The following NOP14 variants were observed in gnomAD, a reference collection of about 807,000 sequenced individuals.
NOP14 encodes nucleolar protein 14.
A neutral mutation model predicts 101.6 loss-of-function variants in NOP14; 57 were observed. The observed-to-expected ratio is 0.56, with a 90% confidence interval of 0.45 to 0.70. The LOEUF (loss-of-function observed/expected upper bound fraction) is 0.70, where lower values mean the gene tolerates loss of function less well. Among genes scored for constraint, NOP14 ranks in the 30% least tolerant of loss-of-function variants. NOP14 has a pLI of 0.00. For synonymous variants in NOP14, 428 were observed against 424.0 expected, an observed-to-expected ratio of 1.01 and a Z score of -0.12; for missense variants, 1,134 against 1,075.5, an observed-to-expected ratio of 1.05 and a Z score of -0.76.
chr4:2,959,922 C>G (rs1715613071), intron 1 of NOP14, among the ~76,000 whole-genome samples: 1 of 151,990 alleles, frequency 6.6e-6, no homozygotes, highest in Non-Finnish European at 1.5e-5. Context: ...GCCTGTACTG[C>G]TCGATGAACT....
rs1284752686 is a variant in NOP14, at chr4:2,952,378, A to G, written c.767T>C (p.Met256Thr). ...EKPKPDAYDM[M>T]VRELGFEMKA... Reference sequence around the variant, plus strand: ...CATTTCAAAGCCAAGCTCGCGAACCATCATGTCATATGCATCGGGCTAAGG... The same window carrying G: ...CATTTCAAAGCCAAGCTCGCGAACCGTCATGTCATATGCATCGGGCTAAGG... The change falls in exon 6 of 18, where the codon ATG (methionine) becomes ACG (threonine). Residue 256 changes from methionine to threonine, a missense_variant. Physicochemically the swap from Met to Thr is moderately conservative, Grantham distance 81. Coordinates refer to ENST00000416614, the MANE Select transcript of NOP14 (RefSeq NM_001291978.2). 1.9e-6 allele frequency: 3 copies of G among 1,612,688 alleles called. No individual in the cohort carries two copies. Among genetic ancestry groups the G allele is most frequent in the Admixed American group, 1.7e-5 (1 of 59,994 alleles).
intron 6 of NOP14, 100 bp downstream of exon 6, chr4:2,952,175 T>C (rs1560303838): frequency 1.7e-6 from 2 of 1,176,454 alleles, no homozygotes; most frequent in Non-Finnish European, 2.4e-6. Flanking sequence ...ATTCCACTGA[T>C]CAAACAGAGT....
chr4:2,946,100 C>T (rs1304624603), intron 11 of NOP14, among the ~76,000 whole-genome samples: 1 of 134,860 alleles, frequency 7.4e-6, no homozygotes, highest in Non-Finnish European at 1.6e-5. Context: ...CCCTCACTGC[C>T]GTGCACTCTC....
intron 4 of NOP14, among the ~76,000 whole-genome samples, chr4:2,954,061 T>C (rs554476524): frequency 6.6e-6 from 1 of 152,178 alleles, no homozygotes; most frequent in African/African-American, 2.4e-5. Flanking sequence ...AGTAATTAGC[T>C]GAGCATGGTG....
intron 16 of NOP14, 60 bp from the exon 17 acceptor site, chr4:2,939,403 C>A (rs947249657): frequency 6.2e-7 from 1 of 1,609,998 alleles, no homozygotes. Context: ...TCAGCCAGAG[C>A]CTGCTTGGGA....
intron 10 of NOP14, chr4:2,946,978 C>A: frequency 4.3e-6 from 1 of 231,592 alleles, no homozygotes; most frequent in South Asian, 5.9e-5. Flanking sequence ...GAAGCCAACA[C>A]ACGCCTCTCA....
intron 14 of NOP14, 33 bp downstream of exon 14, chr4:2,942,159 G>A (rs1714250784): frequency 6.2e-7 from 1 of 1,602,194 alleles, no homozygotes; most frequent in Non-Finnish European, 8.5e-7. Flanking sequence ...ACGCTGTAGG[G>A]CACAGGCCCC....
intron 17 of NOP14, 52 bp downstream of exon 17, chr4:2,939,136 C>T: frequency 1.9e-6 from 3 of 1,608,826 alleles, no homozygotes; most frequent in South Asian, 2.2e-5. Context: ...GGCCACACAG[C>T]ACCAAAGCTG....
At chr4:2,947,672 G>A in intron 9 of NOP14, 61 bp from the exon 10 acceptor site, 1 of 1,339,080 alleles carries the variant, frequency 7.5e-7, no homozygotes, top group Non-Finnish European at 1.1e-6. Flanking sequence ...AAAGCCACAG[G>A]CACACAGCTT....
rs775594224 is a variant in NOP14 at position 2,938,849 on chromosome 4, C to T, written c.2556G>A (p.Arg852=). ...TQEGEWKALK[R]KKFKK ...ATGTAATTTATTTTTTGAACTTTTT[C>T]CTCTTCAGAGCCTTCCATTCGCCTT... Residue 852 remains arginine (R), a synonymous_variant, in exon 18 of 18, where the codon AGG becomes AGA. Transcript: ENST00000416614. 1.2e-6 allele frequency: 2 copies of T among 1,612,854 alleles called. No homozygotes were observed. Among genetic ancestry groups the T allele is most frequent in the South Asian group, 1.1e-5 (1 of 90,830 alleles).
intron 10 of NOP14, 141 bp downstream of exon 10, chr4:2,947,385 G>A: frequency 1.5e-6 from 1 of 659,768 alleles, no homozygotes; most frequent in Non-Finnish European, 2.6e-6. Flanking sequence ...CAAGCCCTGG[G>A]TGACCACCTG....
At chr4:2,955,829 TGGC>T (rs984279781) in intron 3 of NOP14, among the ~76,000 whole-genome samples, 6 of 152,220 alleles carry the variant, frequency 3.9e-5, no homozygotes. Context: ...GTGCCGCAGA[TGGC>T]GGGTTCTGCA....
intron 15 of NOP14, 83 bp from the exon 16 acceptor site, chr4:2,939,728 G>A (rs911110462): frequency 1.5e-5 from 16 of 1,034,838 alleles, no homozygotes; most frequent in Admixed American, 1.7e-5. Context: ...GTGGTGTCAA[G>A]GCAGCGTGAG....
rs1440531236 is a variant in NOP14, at chr4:2,938,331, A to G, written c.*500T>C. The G allele has an allele frequency of 1.7e-5, 11 of 658,984 alleles. No individual in the cohort carries two copies. The highest frequency in any genetic ancestry group is 2.4e-5 in the Non-Finnish European group (10 of 419,754). The allele number at this position is 658,984 out of a possible 1,614,324, so 40.8% of individuals were successfully genotyped here. A position where few individuals can be genotyped will look rare whatever the true frequency, so the allele number is the denominator to read the frequency against. ...AGGTCGGGAATTCGAGACCAGCCTGACCAACATGGAGAAACCCCGTCTCTA... is the reference window on the plus strand; with the variant it reads ...AGGTCGGGAATTCGAGACCAGCCTGGCCAACATGGAGAAACCCCGTCTCTA... On this transcript the variant is annotated 3_prime_UTR_variant, in exon 18 of 18. Coordinates refer to ENST00000416614, the MANE Select transcript of NOP14 (RefSeq NM_001291978.2).
chr4:2,954,947 G>A (rs1317422678), intron 3 of NOP14, among the ~76,000 whole-genome samples: 1 of 152,020 alleles, frequency 6.6e-6, no homozygotes, highest in Non-Finnish European at 1.5e-5. Context: ...CACCTCCCTG[G>A]GCAGGGCCTG....
In NOP14 at chr4:2,939,419, G is replaced by A. The variant is rs1713960176; in HGVS notation, c.2319-76C>T. The A allele has an allele frequency of 1.2e-5, 19 of 1,604,972 alleles. No homozygotes were observed. In the South Asian group the frequency reaches 2.1e-4, roughly 18 times the overall value. ...CAGCCAGAGCCTGCTTGGGAGTGTG[G>A]CTTCACTCCGTAGTCATCTGCTCAA... is the stretch of plus-strand genomic sequence containing the variant. On this transcript the variant is annotated intron_variant, in intron 16 of 17. Transcript: ENST00000416614.
intron 15 of NOP14, chr4:2,941,302 C>G (rs1051827871): frequency 1.4e-5 from 6 of 427,404 alleles, no homozygotes; most frequent in South Asian, 5.0e-5. Flanking sequence ...GGGCTGACCC[C>G]TGGGCGCTGG....
At chr4:2,941,355 C>G (rs900300451) in intron 15 of NOP14, 18 of 543,162 alleles carry the variant, frequency 3.3e-5, no homozygotes, top group African/African-American at 3.3e-4. Context: ...CACAAGGCGA[C>G]AGTTCCCAGC....
intron 1 of NOP14, chr4:2,961,689 A>C (rs1715933945): frequency 6.6e-6 from 1 of 152,010 alleles, no homozygotes. Context: ...TGAACAGCTC[A>C]CTCCCCTTGC....
Sources: allele counts gnomAD v4.1 joint callset (sites outside exome capture counted in the v4.1 genomes callset), GRCh38; gene constraint gnomAD v4.1.1; transcripts MANE v1.5; gene names NCBI Gene and HGNC (gene_info 2026-07-23, HGNC 2026-07-21).